The following CPA6 variants were observed in gnomAD, a reference collection of about 807,000 sequenced individuals.
CPA6 encodes carboxypeptidase A6, also known as carboxypeptidase B.
CPA6 carries 58 observed loss-of-function variants against 63.3 expected under a neutral mutation model. That is an observed-to-expected ratio of 0.92 (90% CI 0.74 to 1.14). The LOEUF (loss-of-function observed/expected upper bound fraction) is 1.14. Ranked by LOEUF, CPA6 falls within the 50% of genes most tolerant of loss-of-function variation. The pLI, the probability that CPA6 is intolerant of heterozygous loss-of-function variation, is 0.00. For synonymous variants in CPA6, 185 were observed against 179.0 expected, an observed-to-expected ratio of 1.03 and a Z score of -0.27; for missense variants, 565 against 526.6, an observed-to-expected ratio of 1.07 and a Z score of -0.71.
intron 1 of CPA6, among the ~76,000 whole-genome samples, chr8:67,664,319 G>A (rs939368206): frequency 6.6e-6 from 1 of 152,164 alleles, no homozygotes; most frequent in East Asian, 1.9e-4. Flanking sequence ...AGACTTTCAT[G>A]CCAAATGTGT....
chr8:67,599,824 A>T (rs1240920243), intron 2 of CPA6, among the ~76,000 whole-genome samples: 1 of 152,204 alleles, frequency 6.6e-6, no homozygotes, highest in African/African-American at 2.4e-5. Flanking sequence ...GCTCAGCTAG[A>T]GGGAAGTGCC....
intron 4 of CPA6, among the ~76,000 whole-genome samples, chr8:67,510,257 G>T (rs932865538): frequency 1.2e-4 from 19 of 152,038 alleles, no homozygotes; most frequent in Non-Finnish European, 2.5e-4. Flanking sequence ...TGACTTAAAA[G>T]CCTTATAAGG....
chr8:67,625,031 A>G (rs923525441), intron 1 of CPA6, among the ~76,000 whole-genome samples: 4 of 152,000 alleles, frequency 2.6e-5, no homozygotes, highest in African/African-American at 9.7e-5. Flanking sequence ...ATGGACAAAA[A>G]CTACAGGTGT....
chr8:67,693,014 A>C (rs962200902), intron 1 of CPA6, among the ~76,000 whole-genome samples: 1 of 152,208 alleles, frequency 6.6e-6, no homozygotes, highest in African/African-American at 2.4e-5. Flanking sequence ...AAAAATTCCA[A>C]CGATGACTCA....
intron 8 of CPA6, among the ~76,000 whole-genome samples, chr8:67,462,329 T>C (rs1306822072): frequency 6.6e-6 from 1 of 152,242 alleles, no homozygotes; most frequent in African/African-American, 2.4e-5. Context: ...AGATTTTCCA[T>C]GTCAGTGCAT....
chr8:67,463,237 A>T (rs1295216220), intron 8 of CPA6, among the ~76,000 whole-genome samples: 1 of 152,080 alleles, frequency 6.6e-6, no homozygotes, highest in Non-Finnish European at 1.5e-5. Context: ...TGAGGTCAGG[A>T]GTTCGAGACC....
At chr8:67,672,733 G>C (rs910512963) in intron 1 of CPA6, among the ~76,000 whole-genome samples, 17 of 152,162 alleles carry the variant, frequency 1.1e-4, no homozygotes, top group African/African-American at 3.6e-4. Flanking sequence ...CTAAAGTCCT[G>C]CTTGGAACAC....
chr8:67,639,733 T>C (rs1587660741), intron 1 of CPA6, among the ~76,000 whole-genome samples: 2 of 151,578 alleles, frequency 1.3e-5, no homozygotes, highest in Admixed American at 1.3e-4. Context: ...CAGCCCTATT[T>C]GTGTTACAGC....
intron 1 of CPA6, among the ~76,000 whole-genome samples, chr8:67,646,403 C>A (rs117056594): frequency 6.1e-4 from 93 of 152,304 alleles, no homozygotes; most frequent in Non-Finnish European, 1.3e-3. Context: ...GCTAGACATT[C>A]ACTTTTGGTT....
intron 1 of CPA6, among the ~76,000 whole-genome samples, chr8:67,661,854 C>A (rs1175734680): frequency 2.6e-5 from 4 of 152,186 alleles, no homozygotes; most frequent in Non-Finnish European, 5.9e-5. Flanking sequence ...TAAGTGGAAT[C>A]ATATAATCTT....
chr8:67,496,593 C>A (rs1811724434), intron 6 of CPA6, among the ~76,000 whole-genome samples: 1 of 140,688 alleles, frequency 7.1e-6, no homozygotes, highest in Non-Finnish European at 1.5e-5. Context: ...TGGAGTGTCT[C>A]TCTGTTGCCC....
At chr8:67,575,686 G>A (rs1453109015) in intron 2 of CPA6, among the ~76,000 whole-genome samples, 7 of 152,072 alleles carry the variant, frequency 4.6e-5, no homozygotes, top group African/African-American at 1.7e-4. Context: ...GTGAAACCCT[G>A]TCACTACTAA....
intron 2 of CPA6, among the ~76,000 whole-genome samples, chr8:67,539,336 T>C (rs1215614295): frequency 6.6e-6 from 1 of 152,210 alleles, no homozygotes; most frequent in Non-Finnish European, 1.5e-5. Context: ...CCAGTCTCTT[T>C]TGGCTTGTAG....
At position 67,475,880 on chromosome 8, in the gene CPA6, TCCTTTCTTTC is replaced by T. The variant is rs1563968029; in HGVS notation, c.838+7878_838+7887del. 7.6e-3 allele frequency among the ~76,000 whole-genome samples: 329 copies of T among 43,248 alleles called. 15 individuals are homozygous for T. Among genetic ancestry groups the T allele is most frequent in the African/African-American group, 0.026 (301 of 11,466 alleles). 28.4% of individuals were successfully genotyped at this position (43,248 alleles called of 152,430 possible). On this transcript the variant is annotated intron_variant, in intron 8 of 10. Coordinates refer to ENST00000297770, the MANE Select transcript of CPA6 (RefSeq NM_020361.5). Reference sequence around the variant, plus strand: ...CTTTCTTTCTTTCTTTCTTTCTTTCTCCTTTCTTTCTTTCTTTCTTTCTTTCTTTCTTTCT... The same window carrying T: ...CTTTCTTTCTTTCTTTCTTTCTTTCTTTTCTTTCTTTCTTTCTTTCTTTCT...
At chr8:67,745,275 G>A (rs1381690336) in intron 1 of CPA6, among the ~76,000 whole-genome samples, 1 of 152,102 alleles carries the variant, frequency 6.6e-6, no homozygotes, top group Admixed American at 6.6e-5. Flanking sequence ...TTCTAAGAAC[G>A]ACCCCCTGCA....
intron 1 of CPA6, among the ~76,000 whole-genome samples, chr8:67,724,031 T>G (rs1269864314): frequency 6.6e-6 from 1 of 152,218 alleles, no homozygotes; most frequent in Non-Finnish European, 1.5e-5. Flanking sequence ...TTAATATCTC[T>G]AATACATGGT....
chr8:67,720,303 G>A (rs1289179070), intron 1 of CPA6, among the ~76,000 whole-genome samples: 1 of 152,126 alleles, frequency 6.6e-6, no homozygotes, highest in Non-Finnish European at 1.5e-5. Flanking sequence ...AGTTAAGGTG[G>A]GGCAGGGCAT....
chr8:67,562,085 G>A (rs1013076128), intron 2 of CPA6, among the ~76,000 whole-genome samples: 1 of 152,070 alleles, frequency 6.6e-6, no homozygotes, highest in African/African-American at 2.4e-5. Flanking sequence ...GTGATCTCTG[G>A]AAAGTTACAG....
intron 2 of CPA6, among the ~76,000 whole-genome samples, chr8:67,590,521 TC>T (rs1295232125): frequency 6.7e-6 from 1 of 150,324 alleles, no homozygotes; most frequent in Non-Finnish European, 1.5e-5. Flanking sequence ...GTAAAAGTGT[TC>T]CTATTTCTCC....
Sources: gnomAD v4.1 joint callset for allele counts (sites outside exome capture counted in the v4.1 genomes callset) on GRCh38, gnomAD v4.1.1 for gene constraint, MANE v1.5 for transcripts, NCBI Gene and HGNC (gene_info 2026-07-23, HGNC 2026-07-21) for gene names.